CDC25B: variants seen among roughly 807,000 people sequenced by gnomAD.
The protein encoded by CDC25B is M-phase inducer phosphatase 2.
A neutral mutation model predicts 69.8 loss-of-function variants in CDC25B; 33 were observed. The ratio of observed to expected loss-of-function variants is 0.47; its 90% CI spans 0.36 to 0.63. The LOEUF is 0.63. Ranked by LOEUF, CDC25B falls within the 30% of genes least tolerant of loss-of-function variation. CDC25B has a pLI of 0.00. For missense variants in CDC25B, 727 were observed against 809.1 expected, an observed-to-expected ratio of 0.90 and a Z score of 1.23; for synonymous variants, 341 against 314.6, an observed-to-expected ratio of 1.08 and a Z score of -0.89.
At chr20:3,795,652 G>A (rs1289093472), upstream of CDC25B, 1 of 941,128 alleles carries the variant, frequency 1.1e-6, no homozygotes, top group Non-Finnish European at 1.3e-6. Flanking sequence ...CTAACCTGGG[G>A]TCCCGCGAAA....
chr20:3,788,889 C>CTTCCT (rs371809749), intron 1 of CDC25B, among the ~76,000 whole-genome samples: 14 of 147,912 alleles, frequency 9.5e-5, no homozygotes, highest in East Asian at 8.0e-4. Context: ...CTTCCTTTCT[C>CTTCCT]TTCCTTTCCT....
upstream of CDC25B, chr20:3,795,836 C>T (rs1433177524): frequency 4.1e-6 from 4 of 984,396 alleles, no homozygotes; most frequent in Non-Finnish European, 4.8e-6. Flanking sequence ...TGCCCAACCG[C>T]GTGACCTTGA....
At chr20:3,792,787 G>A (rs544586491), upstream of CDC25B, among the ~76,000 whole-genome samples, 114 of 152,188 alleles carry the variant, frequency 7.5e-4, no homozygotes, top group African/African-American at 2.7e-3. Context: ...TTATAGGCAG[G>A]GGCCACCACA....
intron 1 of CDC25B, among the ~76,000 whole-genome samples, chr20:3,788,861 T>C (rs1300795966): frequency 2.0e-5 from 3 of 151,666 alleles, no homozygotes; most frequent in Non-Finnish European, 4.4e-5. Flanking sequence ...TTCCTTCCTT[T>C]CCTTCTTTCT....
At chr20:3,798,329 T>TG in intron 2 of CDC25B, 83 bp from the exon 3 acceptor site, 13 of 700,646 alleles carry the variant, frequency 1.9e-5, no homozygotes, top group Non-Finnish European at 2.8e-5. Flanking sequence ...TTTTTTTTTT[T>TG]TTTTTTTTCA....
At chr20:3,787,705 T>C (rs1431950210) in intron 1 of CDC25B, among the ~76,000 whole-genome samples, 1 of 152,152 alleles carries the variant, frequency 6.6e-6, no homozygotes, top group Non-Finnish European at 1.5e-5. Flanking sequence ...TAAGGGGAAC[T>C]CCAGCATTGG....
chr20:3,798,717 C>T (rs534641368), intron 3 of CDC25B, among the ~76,000 whole-genome samples: 2 of 152,306 alleles, frequency 1.3e-5, no homozygotes, highest in East Asian at 3.9e-4. Context: ...ACAGTGGCCA[C>T]TGGGAGAGCA....
chr20:3,802,478 G>A, intron 11 of CDC25B, 102 bp downstream of exon 11: 1 of 755,364 alleles, frequency 1.3e-6, no homozygotes, highest in Non-Finnish European at 2.2e-6. Context: ...TCTCCCCGGA[G>A]CCCCCCTTTT....
chr20:3,789,316 C>T (rs1158315529), intron 1 of CDC25B, among the ~76,000 whole-genome samples: 1 of 152,210 alleles, frequency 6.6e-6, no homozygotes, highest in Non-Finnish European at 1.5e-5. Context: ...TTCATTGCAG[C>T]CTCAGTCTCC....
chr20:3,801,249 G>A lies in CDC25B; in HGVS notation c.706-5G>A. The stretch of plus-strand genomic sequence containing the variant: ...TAAGTCTGTGTCTGTCTGTCATGTG[G>A]ACAGTGTCTCAGTCCTGACCGGAAG... On this transcript the variant is annotated splice_polypyrimidine_tract_variant and splice_region_variant and intron_variant, in intron 7 of 15. Transcript: ENST00000245960. The A allele has an allele frequency of 6.2e-7, 1 of 1,613,554 alleles. No individual in the cohort carries two copies. The highest frequency in any genetic ancestry group is 8.5e-7 in the Non-Finnish European group (1 of 1,179,800).
At chr20:3,799,416 C>T (rs1245207404) in intron 3 of CDC25B, among the ~76,000 whole-genome samples, 1 of 152,158 alleles carries the variant, frequency 6.6e-6, no homozygotes, top group Non-Finnish European at 1.5e-5. Context: ...GCATCCCCCT[C>T]ATACTTTATC....
intron 15 of CDC25B, 27 bp downstream of exon 15, chr20:3,804,707 C>T (rs765247342): frequency 1.3e-6 from 2 of 1,510,068 alleles, no homozygotes; most frequent in Non-Finnish European, 9.0e-7. Flanking sequence ...AGGCCACAGT[C>T]TCTGTGTGAG....
At chr20:3,789,996 A>G in intron 1 of CDC25B, among the ~76,000 whole-genome samples, 1 of 151,918 alleles carries the variant, frequency 6.6e-6, no homozygotes, top group East Asian at 2.0e-4. Context: ...CTCAAAAAAA[A>G]AAAAAATTAG....
At position 3,800,270 on chromosome 20, in the gene CDC25B, G is replaced by A. The variant is rs1261556511; in HGVS notation, c.381-18G>A. Reference sequence around the variant, plus strand: ...TGCGGAGGGAGCATGGGTTGCATGGGACCCTTCTCTGTCCTAGGTTTGAAC... The same window carrying A: ...TGCGGAGGGAGCATGGGTTGCATGGAACCCTTCTCTGTCCTAGGTTTGAAC... On this transcript the variant is annotated intron_variant, in intron 3 of 15. Coordinates refer to ENST00000245960, the MANE Select transcript of CDC25B (RefSeq NM_021873.4). The A allele has an allele frequency of 5.6e-6, 9 of 1,613,704 alleles. No individual in the cohort carries two copies. The highest frequency in any genetic ancestry group is 7.6e-6 in the Non-Finnish European group (9 of 1,179,796).
At chr20:3,787,957 G>A (rs1185751263) in intron 1 of CDC25B, among the ~76,000 whole-genome samples, 2 of 152,154 alleles carry the variant, frequency 1.3e-5, no homozygotes, top group East Asian at 1.9e-4. Context: ...CCAATATAGT[G>A]AAACTCCGTC....
chr20:3,792,813 A>T (rs921971839), upstream of CDC25B, among the ~76,000 whole-genome samples: 1 of 151,934 alleles, frequency 6.6e-6, no homozygotes, highest in African/African-American at 2.4e-5. Context: ...CTAAGTTTTT[A>T]AAAAATGTTT....
chr20:3,798,554 GA>G, intron 3 of CDC25B, 91 bp downstream of exon 3: 1 of 1,049,134 alleles, frequency 9.5e-7, no homozygotes, highest in Non-Finnish European at 1.4e-6. Flanking sequence ...GGAGGCCTGG[GA>G]AAGCAGACAG....
At chr20:3,788,344 A>G (rs928837719) in intron 1 of CDC25B, among the ~76,000 whole-genome samples, 4 of 152,196 alleles carry the variant, frequency 2.6e-5, no homozygotes, top group Non-Finnish European at 5.9e-5. Flanking sequence ...TCCTTTGACC[A>G]TGTGTTTGTC....
upstream of CDC25B, among the ~76,000 whole-genome samples, chr20:3,792,040 A>G (rs915304030): frequency 1.3e-5 from 2 of 151,894 alleles, no homozygotes; most frequent in Non-Finnish European, 2.9e-5. Context: ...CAGACTCCCA[A>G]GTAGCTGGGA....
Sources: allele counts gnomAD v4.1 joint callset (sites outside exome capture counted in the v4.1 genomes callset), GRCh38; gene constraint gnomAD v4.1.1; transcripts MANE v1.5; gene names NCBI Gene and HGNC (gene_info 2026-07-23, HGNC 2026-07-21).